MCTP2: variants seen among roughly 807,000 people sequenced by gnomAD.
MCTP2 encodes multiple C2 and transmembrane domain containing 2.
MCTP2 carries 132 observed loss-of-function variants against 111.6 expected under a neutral mutation model. The observed-to-expected ratio is 1.18, with a 90% CI of 1.03 to 1.37. The LOEUF is 1.37. MCTP2 is among the 40% of genes most tolerant of loss of function. MCTP2 has a pLI of 0.00. For synonymous variants in MCTP2, 395 were observed against 387.7 expected, an observed-to-expected ratio of 1.02 and a Z score of -0.22; for missense variants, 1,183 against 1,067.9, an observed-to-expected ratio of 1.11 and a Z score of -1.50.
rs1337403369 is a variant in MCTP2 at position 94,367,619 on chromosome 15, T to A, written c.1316T>A (p.Ile439Asn). The A allele has an allele frequency of 6.2e-7, 1 of 1,611,096 alleles. No homozygotes were observed. Among genetic ancestry groups the A allele is most frequent in the Non-Finnish European group, 8.5e-7 (1 of 1,178,688 alleles). ...EERLGTCKVD[I>N]SALPLKQANC... ...AACTTTTCTAGGTGTAAAGTGGATA[T>A]CTCGGCACTCCCTCTGAAGCAAGCC... is the stretch of plus-strand genomic sequence containing the variant. The change falls in exon 11 of 23, where the codon ATC becomes AAC. Residue 439 changes from isoleucine (I) to asparagine (N), a missense_variant. Ile to Asn is a moderately radical substitution (Grantham distance 149). Coordinates refer to ENST00000357742, the MANE Select transcript of MCTP2 (RefSeq NM_001385001.1).
chr15:94,376,198 T>C (rs2079763951), intron 12 of MCTP2, among the ~76,000 whole-genome samples: 1 of 152,170 alleles, frequency 6.6e-6, no homozygotes, highest in Non-Finnish European at 1.5e-5. Context: ...GAGGAGCTCT[T>C]GGTCTGTCCC....
chr15:94,302,889 G>C (rs1351054667), intron 2 of MCTP2, among the ~76,000 whole-genome samples: 1 of 151,810 alleles, frequency 6.6e-6, no homozygotes, highest in Non-Finnish European at 1.5e-5. Context: ...ACAAAAGAAA[G>C]ACGTTTAATA....
chr15:94,371,061 G>T (rs1428578047), intron 12 of MCTP2, among the ~76,000 whole-genome samples: 1 of 151,654 alleles, frequency 6.6e-6, no homozygotes, highest in African/African-American at 2.4e-5. Context: ...TTCAACCATT[G>T]GAAAAGAGAA....
Position 94,358,607 on chromosome 15 carries a change from G to C in MCTP2, c.1296G>C (p.Leu432=). Residue 432 remains leucine, a synonymous_variant, in exon 10 of 23, where the codon CTG becomes CTC. Coordinates refer to ENST00000357742, the MANE Select transcript of MCTP2 (RefSeq NM_001385001.1). The part of the protein sequence containing the change: ...GKDNKKHEER[L]GTCKVDISAL... The stretch of plus-strand genomic sequence containing the variant: ...ACAACAAAAAGCATGAGGAACGTCT[G>C]GGCACGTGAGTCCCCTCTGCTTTCC... 6.2e-7 allele frequency: 1 copy of C among 1,613,414 alleles called. No individual in the cohort carries two copies. The highest frequency in any genetic ancestry group is 8.5e-7 in the Non-Finnish European group (1 of 1,179,616).
At chr15:94,274,990 C>A (rs929764018) in intron 1 of MCTP2, among the ~76,000 whole-genome samples, 30 of 152,280 alleles carry the variant, frequency 2.0e-4, no homozygotes, top group African/African-American at 7.0e-4. Flanking sequence ...GAATTTATTT[C>A]AGCAGTGAAA....
intron 1 of MCTP2, among the ~76,000 whole-genome samples, chr15:94,281,792 T>C (rs1172904263): frequency 6.6e-6 from 1 of 152,158 alleles, no homozygotes; most frequent in Non-Finnish European, 1.5e-5. Context: ...CTGAAAAGGA[T>C]TTTATATCTC....
At chr15:94,386,601 G>A (rs1352633181) in intron 14 of MCTP2, among the ~76,000 whole-genome samples, 4 of 152,168 alleles carry the variant, frequency 2.6e-5, no homozygotes, top group African/African-American at 7.2e-5. Context: ...CACCAGCCGA[G>A]CAGCTCTCAG....
At chr15:94,238,307 G>A (rs1372670019) in intron 1 of MCTP2, among the ~76,000 whole-genome samples, 1 of 151,972 alleles carries the variant, frequency 6.6e-6, no homozygotes, top group Non-Finnish European at 1.5e-5. Flanking sequence ...ATATCCTCTT[G>A]TTATTTTCTG....
At chr15:94,391,999 C>T (rs900485490) in intron 14 of MCTP2, among the ~76,000 whole-genome samples, 1 of 152,130 alleles carries the variant, frequency 6.6e-6, no homozygotes, top group African/African-American at 2.4e-5. Flanking sequence ...ACAAAAGTAT[C>T]CTACACAAAT....
rs1460400550 is a variant in MCTP2 at position 94,298,647 on chromosome 15, G to T, written c.382G>T (p.Ala128Ser). 6.2e-7 allele frequency: 1 copy of T among 1,614,034 alleles called. No homozygotes were observed. Among genetic ancestry groups the T allele is most frequent in the South Asian group, 1.1e-5 (1 of 91,080 alleles). Residue 128 changes from alanine (A) to serine (S), a missense_variant, in exon 2 of 23, where the codon GCT (alanine) becomes TCT (serine). Coordinates refer to ENST00000357742, the MANE Select transcript of MCTP2 (RefSeq NM_001385001.1). ...CTCAGAGGAGGCCTATGCCTCTCCT[G>T]CTGAGCGGAGACGGGTGTCCAGCAA... is the stretch of plus-strand genomic sequence containing the variant. ...TDSEEAYASP[A>S]ERRRVSSNGI... is the part of the protein sequence containing the mutation.
chr15:94,389,515 G>A (rs1024310244), intron 14 of MCTP2, among the ~76,000 whole-genome samples: 7 of 152,136 alleles, frequency 4.6e-5, no homozygotes, highest in African/African-American at 1.7e-4. Flanking sequence ...AGAAGACTTG[G>A]TTCAAATTCT....
In MCTP2 at chr15:94,270,011, C is replaced by T. The variant is rs1461743747; in HGVS notation, c.-65-28190C>T. On this transcript the variant is annotated intron_variant, in intron 1 of 22. Coordinates refer to ENST00000357742, the MANE Select transcript of MCTP2 (RefSeq NM_001385001.1). ...GCAGAATAAAATAACAGAAGCAGGG[C>T]ACAGTGGTGAGGGTATTCAGGCACC... Among the ~76,000 whole-genome samples, 3 of 152,114 alleles carry T rather than the reference C, an allele frequency of 2.0e-5. No homozygotes were observed. The East Asian group carries it at 5.8e-4, about 29-fold the overall frequency.
chr15:94,405,476 C>T (rs1021621600), intron 17 of MCTP2, among the ~76,000 whole-genome samples: 3 of 152,126 alleles, frequency 2.0e-5, no homozygotes, highest in East Asian at 1.9e-4. Flanking sequence ...GATCTAGGTC[C>T]GCATGGTGTC....
At chr15:94,277,419 A>C (rs1347204042) in intron 1 of MCTP2, among the ~76,000 whole-genome samples, 1 of 152,224 alleles carries the variant, frequency 6.6e-6, no homozygotes. Context: ...AAGTGGAAGC[A>C]GCCCAGAGGT....
chr15:94,308,411 C>T (rs915751202), intron 2 of MCTP2, among the ~76,000 whole-genome samples: 1 of 152,182 alleles, frequency 6.6e-6, no homozygotes, highest in Non-Finnish European at 1.5e-5. Context: ...CCAGGTCACT[C>T]AGGGGAAGCC....
chr15:94,311,136 T>G (rs943309595), intron 2 of MCTP2, among the ~76,000 whole-genome samples: 1 of 151,602 alleles, frequency 6.6e-6, no homozygotes. Context: ...GTGACTCTCC[T>G]GCCTCAGCCT....
intron 13 of MCTP2, 105 bp from the exon 14 acceptor site, chr15:94,385,318 T>C (rs1220496634): frequency 1.3e-6 from 1 of 751,306 alleles, no homozygotes; most frequent in Non-Finnish European, 2.3e-6. Context: ...AGGTTTATAC[T>C]CTAAGGACAT....
chr15:94,270,508 G>A (rs1212869121), intron 1 of MCTP2, among the ~76,000 whole-genome samples: 1 of 152,084 alleles, frequency 6.6e-6, no homozygotes, highest in African/African-American at 2.4e-5. Context: ...ACATGGACCT[G>A]TCCAATGCGA....
intron 3 of MCTP2, 127 bp downstream of exon 3, chr15:94,314,471 T>A: frequency 1.4e-6 from 1 of 710,728 alleles, no homozygotes; most frequent in Non-Finnish European, 2.3e-6. Flanking sequence ...CGTATCCACT[T>A]ACAAAACCAG....
Sources: gnomAD v4.1 joint callset for allele counts (sites outside exome capture counted in the v4.1 genomes callset) on GRCh38, gnomAD v4.1.1 for gene constraint, MANE v1.5 for transcripts, NCBI Gene and HGNC (gene_info 2026-07-23, HGNC 2026-07-21) for gene names.